The following TMEM132D variants were observed in gnomAD, a reference collection of about 807,000 sequenced individuals.
TMEM132D encodes mature OL transmembrane protein.
Under a neutral mutation model 62.3 loss-of-function variants are expected in TMEM132D, and 21 were observed. That is an observed-to-expected ratio of 0.34 (90% CI 0.24 to 0.49). TMEM132D has a LOEUF of 0.49. TMEM132D is among the 20% of genes least tolerant of loss of function. The probability of loss-of-function intolerance (pLI) is 0.99; values close to 1 mark genes in which losing one functional copy is unlikely to be tolerated. For missense variants in TMEM132D, 1,346 were observed against 1,402.8 expected (o/e 0.96, Z 0.65); for synonymous variants, 621 against 575.6 (o/e 1.08, Z -1.13).
intron 5 of TMEM132D, among the ~76,000 whole-genome samples, chr12:129,088,015 G>C (rs1874700178): frequency 8.9e-6 from 1 of 112,042 alleles, no homozygotes; most frequent in Non-Finnish European, 1.9e-5. Flanking sequence ...TCCATGACCG[G>C]GTGTCCTCCA....
chr12:129,766,880 C>T (rs1870571425), intron 1 of TMEM132D, among the ~76,000 whole-genome samples: 1 of 152,172 alleles, frequency 6.6e-6, no homozygotes, highest in African/African-American at 2.4e-5. Context: ...CCACCAGTAC[C>T]ATGACAGTTT....
intron 1 of TMEM132D, among the ~76,000 whole-genome samples, chr12:129,828,119 ACAGTAGCAAAATAAAGGCTAAG>A (rs1872710255): frequency 6.6e-6 from 1 of 152,150 alleles, no homozygotes; most frequent in African/African-American, 2.4e-5. Flanking sequence ...AAAGATACCC[ACAGTAGCAAAATAAAGGCTAAG>A]CAGGGGGCCT....
intron 2 of TMEM132D, among the ~76,000 whole-genome samples, chr12:129,537,256 G>A (rs1876423537): frequency 6.6e-6 from 1 of 151,682 alleles, no homozygotes; most frequent in Non-Finnish European, 1.5e-5. Context: ...AATAATGTGT[G>A]CTACAAAACA....
At chr12:129,182,077 G>T (rs752916898) in intron 5 of TMEM132D, among the ~76,000 whole-genome samples, 12 of 152,246 alleles carry the variant, frequency 7.9e-5, no homozygotes, top group Admixed American at 2.6e-4. Context: ...AGAAAGAGGA[G>T]CTGGCCAGGC....
chr12:129,267,316 G>T (rs1477286647), intron 4 of TMEM132D, among the ~76,000 whole-genome samples: 1 of 152,190 alleles, frequency 6.6e-6, no homozygotes, highest in African/African-American at 2.4e-5. Flanking sequence ...TCCTTAAGCT[G>T]ATAGGCAACT....
intron 3 of TMEM132D, among the ~76,000 whole-genome samples, chr12:129,528,929 C>A (rs1876136469): frequency 6.6e-6 from 1 of 152,192 alleles, no homozygotes; most frequent in South Asian, 2.1e-4. Flanking sequence ...TGTCTATCAA[C>A]AAAACACCTG....
intron 1 of TMEM132D, among the ~76,000 whole-genome samples, chr12:129,800,376 A>G (rs922541859): frequency 6.5e-5 from 8 of 122,836 alleles, no homozygotes; most frequent in African/African-American, 8.7e-5. Context: ...CAGCAAAGGA[A>G]AAAAAAAAAA....
chr12:129,795,879 T>C (rs1246802998), intron 1 of TMEM132D, among the ~76,000 whole-genome samples: 1 of 152,228 alleles, frequency 6.6e-6, no homozygotes, highest in Non-Finnish European at 1.5e-5. Flanking sequence ...ATTATTTTTA[T>C]GAATGAGACT....
intron 1 of TMEM132D, among the ~76,000 whole-genome samples, chr12:129,885,041 G>A (rs557368595): frequency 1.3e-5 from 2 of 152,314 alleles, no homozygotes. Flanking sequence ...CATAGTGTAT[G>A]ACAGTTTATT....
intron 3 of TMEM132D, among the ~76,000 whole-genome samples, chr12:129,404,250 G>A (rs1442506872): frequency 1.3e-5 from 2 of 152,122 alleles, no homozygotes; most frequent in South Asian, 2.1e-4. Flanking sequence ...CCAGGCTGGA[G>A]TGCAGTGGTA....
intron 3 of TMEM132D, among the ~76,000 whole-genome samples, chr12:129,338,953 G>T (rs1179619105): frequency 6.6e-6 from 1 of 151,962 alleles, no homozygotes; most frequent in Non-Finnish European, 1.5e-5. Context: ...GAACAGAGAA[G>T]GAGGGCGAGA....
chr12:129,173,670 T>G (rs1164288021), intron 5 of TMEM132D, among the ~76,000 whole-genome samples: 2 of 152,258 alleles, frequency 1.3e-5, no homozygotes, highest in African/African-American at 4.8e-5. Context: ...CAGATTCTTT[T>G]TATCTCGATA....
intron 1 of TMEM132D, among the ~76,000 whole-genome samples, chr12:129,795,775 T>A (rs1229171597): frequency 1.3e-5 from 2 of 152,224 alleles, no homozygotes; most frequent in Admixed American, 6.5e-5. Flanking sequence ...ATGACATCAT[T>A]CTTACATGTT....
chr12:129,848,692 T>C (rs1021186595), intron 1 of TMEM132D, among the ~76,000 whole-genome samples: 2 of 152,228 alleles, frequency 1.3e-5, no homozygotes, highest in African/African-American at 2.4e-5. Context: ...ATTTCTCCTG[T>C]TTCTCAATTT....
chr12:129,330,071 G>T (rs775611155), intron 4 of TMEM132D, among the ~76,000 whole-genome samples: 1 of 152,098 alleles, frequency 6.6e-6, no homozygotes, highest in Non-Finnish European at 1.5e-5. Context: ...TGCCTTAATC[G>T]AGAAGATTTA....
intron 4 of TMEM132D, 35 bp from the exon 5 acceptor site, chr12:129,209,698 C>T (rs1280944206): frequency 6.2e-7 from 1 of 1,611,802 alleles, no homozygotes; most frequent in Non-Finnish European, 8.5e-7. Flanking sequence ...ATCACATCCC[C>T]TCCTGAGACG....
At chr12:129,897,537 G>T (rs1446405541) in intron 1 of TMEM132D, among the ~76,000 whole-genome samples, 1 of 152,038 alleles carries the variant, frequency 6.6e-6, no homozygotes, top group Admixed American at 6.5e-5. Flanking sequence ...TAAGAAGCTT[G>T]ACCTAGGGAG....
At chr12:129,162,421 G>C (rs1877424916) in intron 5 of TMEM132D, among the ~76,000 whole-genome samples, 1 of 152,184 alleles carries the variant, frequency 6.6e-6, no homozygotes, top group Non-Finnish European at 1.5e-5. Flanking sequence ...ATGGTATTTT[G>C]TTATGGCAGT....
chr12:129,814,247 T>C (rs970049547), intron 1 of TMEM132D, among the ~76,000 whole-genome samples: 1 of 152,110 alleles, frequency 6.6e-6, no homozygotes, highest in Non-Finnish European at 1.5e-5. Context: ...GAAACTGGTA[T>C]CACCACTGAA....
Sources: gnomAD v4.1 joint callset for allele counts (sites outside exome capture counted in the v4.1 genomes callset) on GRCh38, gnomAD v4.1.1 for gene constraint, MANE v1.5 for transcripts, NCBI Gene and HGNC (gene_info 2026-07-23, HGNC 2026-07-21) for gene names.